UQCC1: variants seen among roughly 807,000 people sequenced by gnomAD.
The protein encoded by UQCC1 is ubiquinol-cytochrome c reductase complex assembly factor 1.
Under a neutral mutation model 48.0 loss-of-function variants are expected in UQCC1, and 38 were observed. The ratio of observed to expected loss-of-function variants is 0.79; its 90% CI spans 0.61 to 1.04. The LOEUF (loss-of-function observed/expected upper bound fraction) is 1.04, where lower values mean the gene tolerates loss of function less well. Ranked by LOEUF, UQCC1 falls within the 50% of genes least tolerant of loss-of-function variation. The pLI, the probability that UQCC1 is intolerant of heterozygous loss-of-function variation, is 0.00. For synonymous variants in UQCC1, 111 were observed against 129.2 expected, an observed-to-expected ratio of 0.86 and a Z score of 0.95; for missense variants, 368 against 381.8, an observed-to-expected ratio of 0.96 and a Z score of 0.30.
chr20:35,314,300 C>CAA (rs111291087), intron 8 of UQCC1, among the ~76,000 whole-genome samples: 5 of 129,400 alleles, frequency 3.9e-5, no homozygotes, highest in African/African-American at 1.1e-4. Context: ...ATAATTAAAG[C>CAA]AAAAAAAAAA....
chr20:35,394,118 C>T lies in UQCC1; in HGVS notation c.103G>A (p.Asp35Asn), dbSNP rs150625540. Reference protein sequence around the residue: ...IPVSPTQGQGDRALSRTSQWP... With the variant: ...IPVSPTQGQGNRALSRTSQWP... ...TGGGAAGTGCGAGACAGAGCCCTGT[C>T]CCCCTGTCCTTGGGTAGGAGACACA... Residue 35 changes from aspartate to asparagine, a missense_variant, in exon 2 of 10, where the codon GAC becomes AAC. By Grantham distance (23) the Asp-to-Asn change is conservative (BLOSUM62 1). Coordinates refer to ENST00000374385, the MANE Select transcript of UQCC1 (RefSeq NM_018244.5). The T allele has an allele frequency of 8.1e-6, 13 of 1,613,952 alleles. No individual in the cohort carries two copies. The East Asian group carries it at 2.5e-4, about 30-fold the overall frequency.
intron 7 of UQCC1, among the ~76,000 whole-genome samples, chr20:35,320,950 C>T (rs576181390): frequency 4.6e-5 from 7 of 152,326 alleles, no homozygotes; most frequent in African/African-American, 1.7e-4. Context: ...TTTTAGTTTG[C>T]TGTAGTAGAC....
At chr20:35,348,493 C>T (rs1324989700) in intron 6 of UQCC1, among the ~76,000 whole-genome samples, 2 of 152,022 alleles carry the variant, frequency 1.3e-5, no homozygotes, top group African/African-American at 4.8e-5. Context: ...GGGTTCTTGC[C>T]ATTCTCCTGC....
At chr20:35,322,451 T>A (rs1453019797) in intron 7 of UQCC1, among the ~76,000 whole-genome samples, 1 of 152,180 alleles carries the variant, frequency 6.6e-6, no homozygotes, top group South Asian at 2.1e-4. Context: ...AACTGTTAAG[T>A]GGCCAGGTGC....
At chr20:35,392,136 C>T in intron 2 of UQCC1, 2 of 830,388 alleles carry the variant, frequency 2.4e-6, no homozygotes, top group Non-Finnish European at 3.6e-6. Context: ...AGTAAATTTA[C>T]TATGTGAAAA....
At chr20:35,304,333 G>A (rs776161885) in intron 9 of UQCC1, among the ~76,000 whole-genome samples, 11 of 152,158 alleles carry the variant, frequency 7.2e-5, no homozygotes, top group Non-Finnish European at 1.5e-4. Context: ...TCACACCTCT[G>A]AATGGAGACA....
chr20:35,404,675 A>C (rs1168785191), intron 1 of UQCC1, among the ~76,000 whole-genome samples: 1 of 151,498 alleles, frequency 6.6e-6, no homozygotes, highest in African/African-American at 2.4e-5. Flanking sequence ...AAAAAAAAAG[A>C]AGCTTGACTC....
chr20:35,356,812 T>C (rs1336299474), intron 6 of UQCC1, among the ~76,000 whole-genome samples: 2 of 152,158 alleles, frequency 1.3e-5, no homozygotes, highest in Admixed American at 6.5e-5. Flanking sequence ...AGTACAGTAA[T>C]TTAAGCTTCA....
At chr20:35,384,216 T>C (rs1345154700) in intron 2 of UQCC1, 83 bp from the exon 3 acceptor site, 3 of 1,255,918 alleles carry the variant, frequency 2.4e-6, no homozygotes, top group Non-Finnish European at 3.4e-6. Flanking sequence ...GTAAAGACTA[T>C]AGGATCTTTC....
intron 2 of UQCC1, among the ~76,000 whole-genome samples, chr20:35,391,310 A>AAGAC (rs2062011894): frequency 6.6e-6 from 1 of 152,228 alleles, no homozygotes; most frequent in African/African-American, 2.4e-5. Flanking sequence ...AAGTGTCTAA[A>AAGAC]TCTTGAGAAG....
chr20:35,409,357 C>A (rs549276521), intron 1 of UQCC1: 1 of 154,186 alleles, frequency 6.5e-6, no homozygotes, highest in Non-Finnish European at 1.4e-5. Context: ...GTAATCCCAG[C>A]TACTCAGGAG....
chr20:35,396,073 C>T, intron 1 of UQCC1, among the ~76,000 whole-genome samples: 1 of 148,334 alleles, frequency 6.7e-6, no homozygotes, highest in East Asian at 2.0e-4. Flanking sequence ...CAATTTCCAC[C>T]TCCTGGGTTC....
chr20:35,383,200 C>T (rs1038263531), intron 3 of UQCC1, among the ~76,000 whole-genome samples: 1 of 152,158 alleles, frequency 6.6e-6, no homozygotes, highest in Non-Finnish European at 1.5e-5. Flanking sequence ...ACTACAGAGT[C>T]TTGTAGTTTG....
chr20:35,304,080 G>A lies in UQCC1; in HGVS notation c.766-11C>T. ...GTCCAGGTACTGTATCTGCAACCAGGGGAGGGGGAAGGAGGAAGCGACAGA... is the reference window on the plus strand; with the variant it reads ...GTCCAGGTACTGTATCTGCAACCAGAGGAGGGGGAAGGAGGAAGCGACAGA... On this transcript the variant is annotated splice_polypyrimidine_tract_variant and intron_variant, in intron 9 of 9. Transcript: ENST00000374385. 4 of 1,613,920 alleles carry A rather than the reference G, an allele frequency of 2.5e-6. No individual in the cohort carries two copies. The highest frequency in any genetic ancestry group is 2.2e-5 in the East Asian group (1 of 44,876).
chr20:35,367,364 C>T (rs1372015229), intron 5 of UQCC1, among the ~76,000 whole-genome samples: 2 of 152,106 alleles, frequency 1.3e-5, no homozygotes, highest in African/African-American at 4.8e-5. Flanking sequence ...AGTTGGGCTC[C>T]ACTGAGAAGC....
chr20:35,318,564 T>C (rs2061088365), intron 7 of UQCC1, among the ~76,000 whole-genome samples: 1 of 152,218 alleles, frequency 6.6e-6, no homozygotes, highest in Non-Finnish European at 1.5e-5. Flanking sequence ...TGGTCCTATA[T>C]TCTAACTCCA....
chr20:35,341,397 T>C (rs2061377296), intron 7 of UQCC1, among the ~76,000 whole-genome samples: 1 of 152,146 alleles, frequency 6.6e-6, no homozygotes. Context: ...CTTCCAATAT[T>C]TAAGACTAAC....
At chr20:35,386,696 A>G (rs1223746986) in intron 2 of UQCC1, among the ~76,000 whole-genome samples, 2 of 152,170 alleles carry the variant, frequency 1.3e-5, no homozygotes, top group Non-Finnish European at 2.9e-5. Flanking sequence ...ATTAGGTTCT[A>G]TTAGATCCTT....
At chr20:35,375,860 A>T (rs1392377272) in intron 4 of UQCC1, among the ~76,000 whole-genome samples, 1 of 137,412 alleles carries the variant, frequency 7.3e-6, no homozygotes, top group Non-Finnish European at 1.6e-5. Context: ...AGGCTGAGGT[A>T]GGAGGCTGAG....
Sources: gnomAD v4.1 joint callset for allele counts (sites outside exome capture counted in the v4.1 genomes callset) on GRCh38, gnomAD v4.1.1 for gene constraint, MANE v1.5 for transcripts, NCBI Gene and HGNC (gene_info 2026-07-23, HGNC 2026-07-21) for gene names.